The following GLIS3 variants were observed in gnomAD, a reference collection of about 807,000 sequenced individuals.
GLIS3 encodes zinc finger protein GLIS3.
Under a neutral mutation model 78.6 loss-of-function variants are expected in GLIS3, and 53 were observed. The observed-to-expected ratio is 0.67, with a 90% confidence interval of 0.54 to 0.85. The LOEUF (loss-of-function observed/expected upper bound fraction) is 0.85. GLIS3 is among the 40% of genes least tolerant of loss of function. GLIS3 has a pLI of 0.00. For synonymous variants in GLIS3, 684 were observed against 509.9 expected (o/e 1.34, Z -4.60); for missense variants, 1,703 against 1,231.1 (o/e 1.38, Z -5.74).
chr9:4,244,804 G>A (rs1413658716), intron 2 of GLIS3, among the ~76,000 whole-genome samples: 1 of 152,172 alleles, frequency 6.6e-6, no homozygotes, highest in Admixed American at 6.5e-5. Flanking sequence ...TCGAACTCCT[G>A]GCCTTAGGTG....
intron 4 of GLIS3, among the ~76,000 whole-genome samples, chr9:4,084,390 C>T (rs10814832): frequency 0.39 from 58,945 of 151,756 alleles, 11,525 homozygotes; most frequent in Admixed American, 0.43. Context: ...GAAATGCATG[C>T]GCAAGGAGAG....
chr9:4,418,759 A>G, the GLIS3 span, among the ~76,000 whole-genome samples: 1 of 152,176 alleles, frequency 6.6e-6, no homozygotes, highest in Admixed American at 6.5e-5. Context: ...TGGAGGGAGG[A>G]AAAATCTTCA....
At chr9:4,114,805 G>A (rs1831507517) in intron 4 of GLIS3, among the ~76,000 whole-genome samples, 1 of 80,262 alleles carries the variant, frequency 1.2e-5, no homozygotes. Context: ...TTCCACAGAA[G>A]CAATAAGAAA....
intron 4 of GLIS3, among the ~76,000 whole-genome samples, chr9:4,075,762 C>T (rs1827995681): frequency 6.6e-6 from 1 of 151,784 alleles, no homozygotes; most frequent in African/African-American, 2.4e-5. Context: ...TCGTACAATG[C>T]AACATTAATC....
At chr9:4,168,050 A>G (rs750737056) in intron 2 of GLIS3, among the ~76,000 whole-genome samples, 3 of 152,162 alleles carry the variant, frequency 2.0e-5, no homozygotes, top group Non-Finnish European at 4.4e-5. Context: ...AGTGGAGATA[A>G]AATACCTGGC....
At chr9:4,045,486 C>T (rs1428642466) in intron 4 of GLIS3, among the ~76,000 whole-genome samples, 2 of 151,280 alleles carry the variant, frequency 1.3e-5, no homozygotes, top group African/African-American at 4.9e-5. Flanking sequence ...GAGGCACACA[C>T]CACCACACCT....
At chr9:4,432,915 T>G in the GLIS3 span, among the ~76,000 whole-genome samples, 1 of 152,186 alleles carries the variant, frequency 6.6e-6, no homozygotes, top group Admixed American at 6.5e-5. Context: ...CTCCCTGTGC[T>G]GGGATCACAG....
At chr9:4,312,616 T>C (rs145478858) in intron 2 of GLIS3, among the ~76,000 whole-genome samples, 1 of 152,376 alleles carries the variant, frequency 6.6e-6, no homozygotes, top group East Asian at 1.9e-4. Flanking sequence ...TTCTTCTTGA[T>C]TGCACTTGCA....
chr9:3,932,609 A>G (rs1825687503), intron 5 of GLIS3, 139 bp from the exon 6 acceptor site: 5 of 689,054 alleles, frequency 7.3e-6, no homozygotes, highest in African/African-American at 5.4e-5. Flanking sequence ...ATACTCATGC[A>G]TTTTAATTAC....
Position 4,243,668 on chromosome 9 carries a change from C to T in GLIS3, c.388+42370G>A, listed in dbSNP as rs62541793. On this transcript the variant is annotated intron_variant, in intron 2 of 10. Transcript: ENST00000381971. ...GAAGGGTTATTACAGAGTGTCAGAA[C>T]ATCATTGTGGATCACTAAGGAAAAT... 2.6e-3 allele frequency among the ~76,000 whole-genome samples: 398 copies of T among 152,312 alleles called. 3 individuals carry two copies. The highest frequency in any genetic ancestry group is 4.2e-3 in the Non-Finnish European group (283 of 68,026).
chr9:3,877,002 T>C (rs190059257), intron 8 of GLIS3, among the ~76,000 whole-genome samples: 2 of 152,180 alleles, frequency 1.3e-5, no homozygotes, highest in East Asian at 3.9e-4. Context: ...TTTTTCTACA[T>C]GTATTCTTTT....
chr9:4,066,454 A>G (rs944914059), intron 4 of GLIS3, among the ~76,000 whole-genome samples: 7 of 152,136 alleles, frequency 4.6e-5, no homozygotes, highest in Non-Finnish European at 8.8e-5. Context: ...TATAAAAGCA[A>G]CTTACCAGCC....
intron 2 of GLIS3, among the ~76,000 whole-genome samples, chr9:4,135,001 C>A (rs914682342): frequency 4.6e-5 from 7 of 152,084 alleles, no homozygotes; most frequent in African/African-American, 1.7e-4. Context: ...CAAAGTTATG[C>A]CTTCCAACAC....
chr9:4,184,761 A>T (rs1163811755), intron 2 of GLIS3, among the ~76,000 whole-genome samples: 3 of 152,232 alleles, frequency 2.0e-5, no homozygotes, highest in Non-Finnish European at 4.4e-5. Flanking sequence ...TAAAGTCTAC[A>T]ATATATTAAG....
chr9:4,473,462 A>AC, the GLIS3 span, among the ~76,000 whole-genome samples: 3 of 150,672 alleles, frequency 2.0e-5, no homozygotes, highest in African/African-American at 4.9e-5. Flanking sequence ...AACAACAACA[A>AC]AAAAAAAGGA....
intron 9 of GLIS3, among the ~76,000 whole-genome samples, chr9:3,847,793 T>A (rs1185008738): frequency 6.6e-6 from 1 of 152,244 alleles, no homozygotes; most frequent in East Asian, 1.9e-4. Flanking sequence ...GTACTACTTA[T>A]GTAAAACTGT....
intron 3 of GLIS3, among the ~76,000 whole-genome samples, chr9:4,124,307 A>G (rs933933977): frequency 3.9e-5 from 6 of 152,218 alleles, no homozygotes; most frequent in Non-Finnish European, 7.3e-5. Context: ...GGAATCAAAT[A>G]TGCCAGAAAA....
At chr9:4,355,754 C>G in the GLIS3 span, among the ~76,000 whole-genome samples, 2 of 152,168 alleles carry the variant, frequency 1.3e-5, no homozygotes, top group Admixed American at 1.3e-4. Flanking sequence ...CACCCTGTTT[C>G]CAGCCATAGA....
intron 2 of GLIS3, among the ~76,000 whole-genome samples, chr9:4,254,062 A>T (rs972160114): frequency 1.3e-5 from 2 of 152,110 alleles, no homozygotes; most frequent in African/African-American, 4.8e-5. Context: ...CTTGCCAGCC[A>T]CCTCGAGGAA....
Sources: allele counts gnomAD v4.1 joint callset (sites outside exome capture counted in the v4.1 genomes callset), GRCh38; gene constraint gnomAD v4.1.1; transcripts MANE v1.5; gene names NCBI Gene and HGNC (gene_info 2026-07-23, HGNC 2026-07-21).